The following ADAMTS15 variants were observed in gnomAD, a reference collection of about 807,000 sequenced individuals.
ADAMTS15 encodes A disintegrin and metalloproteinase with thrombospondin motifs 15.
Under a neutral mutation model 79.1 loss-of-function variants are expected in ADAMTS15, and 35 were observed. The ratio of observed to expected loss-of-function variants is 0.44; its 90% CI spans 0.34 to 0.59. ADAMTS15 has a LOEUF of 0.59. Among genes scored for constraint, ADAMTS15 ranks in the 20% least tolerant of loss-of-function variants. ADAMTS15 has a pLI of 0.02. For synonymous variants in ADAMTS15, 616 were observed against 567.3 expected (o/e 1.09, Z -1.22); for missense variants, 1,324 against 1,318.7 (o/e 1.00, Z -0.06).
intron 4 of ADAMTS15, 121 bp from the exon 5 acceptor site, chr11:130,469,141 A>T: frequency 1.0e-6 from 1 of 968,404 alleles, no homozygotes; most frequent in Non-Finnish European, 1.4e-6. Context: ...ATACAACATT[A>T]ATTTCATTCC....
chr11:130,458,181 A>C (rs1011568930), intron 1 of ADAMTS15, among the ~76,000 whole-genome samples: 1 of 152,042 alleles, frequency 6.6e-6, no homozygotes, highest in Non-Finnish European at 1.5e-5. Flanking sequence ...TCTAGATCCC[A>C]GTCTGAGCAT....
intron 1 of ADAMTS15, among the ~76,000 whole-genome samples, chr11:130,453,295 T>C (rs918513415): frequency 2.6e-5 from 4 of 151,690 alleles, no homozygotes; most frequent in Non-Finnish European, 5.9e-5. Context: ...TTTTTTTTTT[T>C]AGGACTTGTA....
chr11:130,450,235 C>G (rs917827504), intron 1 of ADAMTS15: 12 of 985,324 alleles, frequency 1.2e-5, no homozygotes, highest in African/African-American at 7.0e-5. Context: ...GTTGCCGCCC[C>G]GGAGCTGCAG....
intron 1 of ADAMTS15, among the ~76,000 whole-genome samples, chr11:130,459,891 C>T (rs964890247): frequency 3.3e-5 from 5 of 152,242 alleles, no homozygotes; most frequent in African/African-American, 9.6e-5. Flanking sequence ...TGCCCACCTT[C>T]GCCCCTTGCC....
At position 130,462,485 on chromosome 11, in the gene ADAMTS15, G is replaced by A. The variant is rs756742237; in HGVS notation, c.1259-12G>A. ...CCAGCTCATCCTAACGAACGCCCTC[G>A]GCTCTCTGCAGGTGACTGCCTCCTG... is the stretch of plus-strand genomic sequence containing the variant. On this transcript the variant is annotated splice_polypyrimidine_tract_variant and intron_variant, in intron 3 of 7. Coordinates refer to ENST00000299164, the MANE Select transcript of ADAMTS15 (RefSeq NM_139055.4). The surrounding 1 kb of genome is among the most constrained non-coding windows in gnomAD (Gnocchi z 4.3). 1 of 1,574,060 alleles carries A rather than the reference G, an allele frequency of 6.4e-7. No individual in the cohort carries two copies. The highest frequency in any genetic ancestry group is 8.7e-7 in the Non-Finnish European group (1 of 1,155,152).
intron 1 of ADAMTS15, among the ~76,000 whole-genome samples, chr11:130,452,709 G>T (rs756592951): frequency 2.6e-5 from 4 of 152,192 alleles, no homozygotes; most frequent in Non-Finnish European, 5.9e-5. Flanking sequence ...TTGGCCGGGC[G>T]CAGTGGCTCA....
rs1938438820 is a variant in ADAMTS15, at chr11:130,470,940, G to A, written c.1741G>A (p.Glu581Lys). The A allele has an allele frequency of 6.2e-7, 1 of 1,613,624 alleles. No homozygotes were observed. ...CCTAGCCTCCGGAAAGAGCTTCCGG[G>A]AGGAGCAGTGTGAGGCTTTCAACGG... Reference protein sequence around the residue: ...PSSASGKSFREEQCEAFNGYN... With the variant: ...PSSASGKSFRKEQCEAFNGYN... Residue 581 changes from glutamate to lysine, a missense_variant, in exon 6 of 8, where the codon GAG becomes AAG. Transcript: ENST00000299164.
chr11:130,454,847 G>T (rs952646905), intron 1 of ADAMTS15, among the ~76,000 whole-genome samples: 2 of 152,140 alleles, frequency 1.3e-5, no homozygotes, highest in Non-Finnish European at 2.9e-5. Flanking sequence ...ATTTTTAACC[G>T]CTGGTCTAGT....
chr11:130,463,946 A>C (rs1453492741), intron 4 of ADAMTS15, among the ~76,000 whole-genome samples: 2 of 152,206 alleles, frequency 1.3e-5, no homozygotes, highest in African/African-American at 4.8e-5. Flanking sequence ...GGGGGCTGAG[A>C]AAACTTGGAG....
Position 130,470,921 on chromosome 11 carries a change from C to G in ADAMTS15, c.1722C>G (p.Ala574=), listed in dbSNP as rs1183546017. The G allele has an allele frequency of 6.2e-7, 1 of 1,612,686 alleles. No homozygotes were observed. Among genetic ancestry groups the G allele is most frequent in the African/African-American group, 1.3e-5 (1 of 74,906 alleles). Residue 574 remains alanine (A), a splice_region_variant and synonymous_variant, in exon 6 of 8, where the codon GCC becomes GCG. Coordinates refer to ENST00000299164, the MANE Select transcript of ADAMTS15 (RefSeq NM_139055.4). ...SCNLEPCPSS[A]SGKSFREEQC... ...TTTCTTATGCTTCTCCCTCCCTAGC[C>G]TCCGGAAAGAGCTTCCGGGAGGAGC...
intron 1 of ADAMTS15, among the ~76,000 whole-genome samples, chr11:130,451,298 C>G (rs1937956273): frequency 6.6e-6 from 1 of 152,208 alleles, no homozygotes; most frequent in Non-Finnish European, 1.5e-5. Flanking sequence ...CGCACACAGT[C>G]TGGAGCTGGA....
Position 130,449,685 on chromosome 11 carries a change from C to G in ADAMTS15, c.712C>G (p.Leu238Val), listed in dbSNP as rs1373236433. The change falls in exon 1 of 8, where the codon CTG becomes GTG. Residue 238 changes from leucine to valine, a missense_variant. Leu to Val is a conservative substitution (Grantham distance 32, BLOSUM62 1). Transcript: ENST00000299164. This position sits in a 1 kb window ranked among gnomAD's most constrained non-coding sequence, Gnocchi z 7.8. ...AATGGTCAAGTTCCACGGCGCGGAC[C>G]TGGAACATTATCTGCTGACGCTGCT... ...ESMVKFHGAD[L>V]EHYLLTLLAT... 1.2e-6 allele frequency: 2 copies of G among 1,605,960 alleles called. No homozygotes were observed. The highest frequency in any genetic ancestry group is 1.1e-5 in the South Asian group (1 of 90,010).
chr11:130,452,163 G>A (rs1339457210), intron 1 of ADAMTS15, among the ~76,000 whole-genome samples: 1 of 152,142 alleles, frequency 6.6e-6, no homozygotes, highest in East Asian at 1.9e-4. Flanking sequence ...ATGAGAACAG[G>A]AGGGAGTAGC....
Position 130,472,651 on chromosome 11 carries a change from G to T in ADAMTS15, c.2079-396G>T, listed in dbSNP as rs1315789498. On this transcript the variant is annotated intron_variant, in intron 7 of 7. Transcript: ENST00000299164. The surrounding 1 kb of genome is among the most constrained non-coding windows in gnomAD (Gnocchi z 4.7). Reference sequence around the variant, plus strand: ...ATTGAGCTCCTAGCCTCAGGCTCTGGGATGGTGGACTTACTCCTCCCGCCC... The same window carrying T: ...ATTGAGCTCCTAGCCTCAGGCTCTGTGATGGTGGACTTACTCCTCCCGCCC... 6.6e-6 allele frequency among the ~76,000 whole-genome samples: 1 copy of T among 151,658 alleles called. No individual in the cohort carries two copies. The highest frequency in any genetic ancestry group is 2.4e-5 in the African/African-American group (1 of 41,142).
chr11:130,464,203 G>A (rs1938258563), intron 4 of ADAMTS15, among the ~76,000 whole-genome samples: 1 of 152,180 alleles, frequency 6.6e-6, no homozygotes, highest in Non-Finnish European at 1.5e-5. Context: ...AGAAGATGAG[G>A]CTGGAGGATG....
chr11:130,450,021 A>G (rs1029170537), intron 1 of ADAMTS15, 91 bp downstream of exon 1: 83 of 1,529,320 alleles, frequency 5.4e-5, no homozygotes, highest in African/African-American at 2.0e-4. Context: ...GTATCGTGCA[A>G]TGCCTCCGAG....
rs766704053 is a variant in ADAMTS15 at position 130,449,949 on chromosome 11, A to T, written c.957+19A>T. The T allele has an allele frequency of 3.1e-6, 5 of 1,594,650 alleles. No individual in the cohort carries two copies. In the African/African-American group the frequency reaches 6.7e-5, roughly 21 times the overall value. ...CAGGCAGGTGAGTTGATCTGCCGTC[A>T]CTTTGCACCCAGATAGTCCCGTTCT... is the stretch of plus-strand genomic sequence containing the variant. On this transcript the variant is annotated intron_variant, in intron 1 of 7. Coordinates refer to ENST00000299164, the MANE Select transcript of ADAMTS15 (RefSeq NM_139055.4). This position sits in a 1 kb window ranked among gnomAD's most constrained non-coding sequence, Gnocchi z 7.8.
intron 1 of ADAMTS15, among the ~76,000 whole-genome samples, chr11:130,460,316 G>A (rs1466303532): frequency 1.4e-5 from 2 of 145,678 alleles, no homozygotes; most frequent in African/African-American, 2.6e-5. Flanking sequence ...TGCTCTTGTC[G>A]CCCACGCTGG....
At chr11:130,455,758 C>T (rs974779701) in intron 1 of ADAMTS15, among the ~76,000 whole-genome samples, 2 of 152,156 alleles carry the variant, frequency 1.3e-5, no homozygotes, top group Non-Finnish European at 2.9e-5. Context: ...AGGTGCATGG[C>T]AGGGCAGGGA....
Sources: allele counts gnomAD v4.1 joint callset (sites outside exome capture counted in the v4.1 genomes callset), GRCh38; gene constraint gnomAD v4.1.1; non-coding constraint Gnocchi (gnomAD v3.1); transcripts MANE v1.5; gene names NCBI Gene and HGNC (gene_info 2026-07-23, HGNC 2026-07-21).